Variants in PLD1 observed in about 807,000 individuals in gnomAD.
PLD1 encodes phospholipase D1.
PLD1 carries 112 observed loss-of-function variants against 137.1 expected under a neutral mutation model. The observed-to-expected ratio is 0.82, with a 90% CI of 0.70 to 0.96. The LOEUF is 0.96. Among genes scored for constraint, PLD1 ranks in the 40% least tolerant of loss-of-function variants. The pLI is 0.00. For missense variants in PLD1, 1,321 were observed against 1,342.0 expected (o/e 0.98, Z 0.24); for synonymous variants, 431 against 454.7 (o/e 0.95, Z 0.66).
chr3:171,801,423 CTTTT>C (rs772930325), intron 1 of PLD1, among the ~76,000 whole-genome samples: 66 of 152,214 alleles, frequency 4.3e-4, no homozygotes, highest in Non-Finnish European at 8.2e-4. Flanking sequence ...GCATGCCTTT[CTTTT>C]TGTTTCTTGT....
chr3:171,677,742 C>T, intron 16 of PLD1, 48 bp from the exon 17 acceptor site: 2 of 1,578,576 alleles, frequency 1.3e-6, no homozygotes, highest in Non-Finnish European at 1.7e-6. Context: ...CAGGTGAGTC[C>T]CAGAAAGGGA....
At chr3:171,723,233 T>A (rs1718265642) in intron 8 of PLD1, among the ~76,000 whole-genome samples, 1 of 152,176 alleles carries the variant, frequency 6.6e-6, no homozygotes, top group Non-Finnish European at 1.5e-5. Context: ...ATGTGAAGAT[T>A]GTCTTTCTGT....
intron 1 of PLD1, 86 bp downstream of exon 1, chr3:171,810,313 T>G (rs903142563): frequency 1.7e-4 from 26 of 152,230 alleles, no homozygotes; most frequent in African/African-American, 6.0e-4. Flanking sequence ...CTGCCCAGGT[T>G]GGGCGGAGGA....
chr3:171,786,461 G>C (rs1020150749), intron 1 of PLD1, among the ~76,000 whole-genome samples: 29 of 152,210 alleles, frequency 1.9e-4, no homozygotes, highest in African/African-American at 7.0e-4. Flanking sequence ...TCTGCCCAGA[G>C]TCAGAGAGAA....
chr3:171,758,848 A>T (rs1204057299), intron 1 of PLD1, among the ~76,000 whole-genome samples: 1 of 152,214 alleles, frequency 6.6e-6, no homozygotes, highest in Non-Finnish European at 1.5e-5. Flanking sequence ...AGAAGCAATA[A>T]CTGAATCTAT....
At chr3:171,798,435 C>G (rs944159995) in intron 1 of PLD1, among the ~76,000 whole-genome samples, 1 of 152,130 alleles carries the variant, frequency 6.6e-6, no homozygotes, top group African/African-American at 2.4e-5. Flanking sequence ...GAAACTGTTG[C>G]TGTACAGAAG....
At chr3:171,763,822 CTT>C (rs1721607875) in intron 1 of PLD1, among the ~76,000 whole-genome samples, 1 of 116,974 alleles carries the variant, frequency 8.5e-6, no homozygotes, top group Non-Finnish European at 1.7e-5. Context: ...AGCTTATTTT[CTT>C]TCTTTCTTTT....
At chr3:171,719,861 A>G (rs754742295) in intron 8 of PLD1, among the ~76,000 whole-genome samples, 1 of 152,128 alleles carries the variant, frequency 6.6e-6, no homozygotes. Context: ...TGAAAATTCA[A>G]TTTCCTTGTT....
intron 1 of PLD1, among the ~76,000 whole-genome samples, chr3:171,804,288 T>A (rs72622542): frequency 0.3 from 45,532 of 152,066 alleles, 7,380 homozygotes; most frequent in Admixed American, 0.36. Flanking sequence ...AGTACAGCTG[T>A]TTACCCAAAA....
At chr3:171,660,591 A>G (rs1378001932) in intron 20 of PLD1, among the ~76,000 whole-genome samples, 1 of 151,498 alleles carries the variant, frequency 6.6e-6, no homozygotes, top group Non-Finnish European at 1.5e-5. Flanking sequence ...AGAAAAGCTG[A>G]TTATTTTATT....
At chr3:171,808,296 G>A (rs1000437121) in intron 1 of PLD1, among the ~76,000 whole-genome samples, 11 of 152,068 alleles carry the variant, frequency 7.2e-5, no homozygotes, top group African/African-American at 2.2e-4. Context: ...CAGCACTTTG[G>A]GAGGCCGAGG....
At chr3:171,664,937 A>T (rs944096691) in intron 19 of PLD1, among the ~76,000 whole-genome samples, 1 of 152,196 alleles carries the variant, frequency 6.6e-6, no homozygotes, top group African/African-American at 2.4e-5. Flanking sequence ...GGTATGTGGC[A>T]CTTAGTACTA....
chr3:171,807,644 T>C (rs1184289066), intron 1 of PLD1, among the ~76,000 whole-genome samples: 1 of 152,244 alleles, frequency 6.6e-6, no homozygotes, highest in Admixed American at 6.5e-5. Flanking sequence ...ATTAGTTCAG[T>C]CACTGTGGAA....
At chr3:171,775,497 G>C (rs766813842) in intron 1 of PLD1, among the ~76,000 whole-genome samples, 7 of 152,014 alleles carry the variant, frequency 4.6e-5, no homozygotes, top group Non-Finnish European at 8.8e-5. Flanking sequence ...AGCTTAATTA[G>C]AATGTCAAAG....
chr3:171,754,414 T>C (rs4261905), intron 1 of PLD1, among the ~76,000 whole-genome samples: 132,109 of 152,188 alleles, frequency 0.87, 57,937 homozygotes, highest in African/African-American at 0.97. Context: ...ATTGAAGAAG[T>C]AATAACTCAA....
At chr3:171,744,099 T>TGC (rs1719968589) in intron 1 of PLD1, among the ~76,000 whole-genome samples, 1 of 152,198 alleles carries the variant, frequency 6.6e-6, no homozygotes, top group African/African-American at 2.4e-5. Context: ...CACAGCAAAC[T>TGC]GCTAGTGAAG....
At chr3:171,630,029 A>C (rs979013391) in intron 23 of PLD1, among the ~76,000 whole-genome samples, 44 of 152,302 alleles carry the variant, frequency 2.9e-4, no homozygotes, top group Non-Finnish European at 1.5e-5. Context: ...TAATTAAACT[A>C]AAGAGCTTCT....
intron 3 of PLD1, among the ~76,000 whole-genome samples, chr3:171,736,679 G>A (rs141439736): frequency 9.9e-5 from 15 of 152,282 alleles, no homozygotes; most frequent in African/African-American, 3.6e-4. Context: ...AAGACAAGGA[G>A]GAAGGGAAGG....
At chr3:171,733,579 C>A in intron 5 of PLD1, 70 bp from the exon 6 acceptor site, 2 of 634,664 alleles carry the variant, frequency 3.2e-6, no homozygotes, top group Non-Finnish European at 2.8e-6. Flanking sequence ...ACAGTAGTGA[C>A]AATGATGAGA....
Sources: allele counts gnomAD v4.1 joint callset (sites outside exome capture counted in the v4.1 genomes callset), GRCh38; gene constraint gnomAD v4.1.1; transcripts MANE v1.5; gene names NCBI Gene and HGNC (gene_info 2026-07-23, HGNC 2026-07-21).